Variants in SH3KBP1 observed in about 807,000 individuals in gnomAD.
SH3KBP1 encodes SH3 domain-containing kinase-binding protein 1.
A neutral mutation model predicts 50.1 loss-of-function variants in SH3KBP1; 8 were observed. That is an observed-to-expected ratio of 0.16 (90% CI 0.09 to 0.29). SH3KBP1 has a LOEUF of 0.29. Ranked by LOEUF, SH3KBP1 falls within the 10% of genes least tolerant of loss-of-function variation. SH3KBP1 has a pLI of 1.00. For missense variants in SH3KBP1, 377 were observed against 535.2 expected (o/e 0.70, Z 2.92); for synonymous variants, 227 against 218.6 (o/e 1.04, Z -0.34).
chrX:19,872,340 C>T (rs920005518), intron 1 of SH3KBP1, among the ~76,000 whole-genome samples: 1 of 109,491 alleles, frequency 9.1e-6, no homozygotes, highest in African/African-American at 3.3e-5. Flanking sequence ...GAACCAAACC[C>T]CCAAGGATTT....
chrX:19,839,753 G>A lies in SH3KBP1; in HGVS notation c.5-3471C>T, dbSNP rs1390921704. On this transcript the variant is annotated intron_variant, in intron 1 of 17. Transcript: ENST00000397821. ...AGGCCTCTCTGGCCCCTGCCACTGA[G>A]GCAATCCCAAGCTGTGTCTTGTCTT... Among the ~76,000 whole-genome samples the A allele has an allele frequency of 2.7e-5, 3 of 112,290 alleles. No individual in the cohort carries two copies. The East Asian group carries it at 8.4e-4, about 31-fold the overall frequency.
At chrX:19,793,038 T>A (rs780989138) in intron 2 of SH3KBP1, among the ~76,000 whole-genome samples, 1 of 110,487 alleles carries the variant, frequency 9.1e-6, no homozygotes, top group East Asian at 2.8e-4. Flanking sequence ...GGCTCACACC[T>A]GTAATCTCAG....
chrX:19,811,926 C>T (rs2067217523), intron 2 of SH3KBP1, among the ~76,000 whole-genome samples: 1 of 111,733 alleles, frequency 8.9e-6, no homozygotes, highest in Admixed American at 9.4e-5. Context: ...AGGACATAGT[C>T]ACCAGGGCCT....
chrX:19,685,005 C>T (rs2063134482), intron 5 of SH3KBP1, among the ~76,000 whole-genome samples: 1 of 112,235 alleles, frequency 8.9e-6, no homozygotes, highest in Non-Finnish European at 1.9e-5. Context: ...ATTATGCCAT[C>T]AAAGGGCAGG....
At chrX:19,642,416 G>A (rs1254870675) in intron 7 of SH3KBP1, among the ~76,000 whole-genome samples, 1 of 111,898 alleles carries the variant, frequency 8.9e-6, no homozygotes, top group African/African-American at 3.3e-5. Flanking sequence ...CGGTATGAGT[G>A]TCCAGTTAGG....
chrX:19,872,058 C>T (rs192072836), intron 1 of SH3KBP1, among the ~76,000 whole-genome samples: 1,248 of 108,467 alleles, frequency 0.012, 15 homozygotes, highest in Middle Eastern at 0.052. Flanking sequence ...TCGAGACCAT[C>T]CTGGCCAATA....
At chrX:19,811,419 T>C (rs1328722019) in intron 2 of SH3KBP1, among the ~76,000 whole-genome samples, 1 of 111,609 alleles carries the variant, frequency 9.0e-6, no homozygotes, top group Non-Finnish European at 1.9e-5. Context: ...ATTTTGGATG[T>C]TGTCTCTTAG....
chrX:19,657,012 A>G (rs1271733179), intron 6 of SH3KBP1, among the ~76,000 whole-genome samples: 1 of 111,713 alleles, frequency 9.0e-6, no homozygotes, highest in East Asian at 2.8e-4. Context: ...CAGAGTAGAG[A>G]AGGGAAACAA....
chrX:19,671,573 C>T (rs972645827), intron 6 of SH3KBP1, among the ~76,000 whole-genome samples: 4 of 111,868 alleles, frequency 3.6e-5, no homozygotes, highest in African/African-American at 1.3e-4. Flanking sequence ...TTTTAATCAC[C>T]ACTTCAATGA....
chrX:19,679,679 C>T (rs2063002171), intron 6 of SH3KBP1, among the ~76,000 whole-genome samples: 1 of 111,213 alleles, frequency 9.0e-6, no homozygotes, highest in African/African-American at 3.3e-5. Context: ...GTGTGATGAA[C>T]CCCCATGTAT....
At chrX:19,709,632 G>A (rs2063731490) in intron 3 of SH3KBP1, among the ~76,000 whole-genome samples, 2 of 111,693 alleles carry the variant, frequency 1.8e-5, no homozygotes, top group South Asian at 3.7e-4. Flanking sequence ...ACTGTACCAC[G>A]TCACTTAGGT....
intron 6 of SH3KBP1, among the ~76,000 whole-genome samples, chrX:19,657,918 G>A (rs202199068): frequency 9.3e-6 from 1 of 107,328 alleles, no homozygotes. Context: ...GGGGCTGGGG[G>A]TGGGGGCGGG....
At chrX:19,833,110 T>C in intron 2 of SH3KBP1, among the ~76,000 whole-genome samples, 1 of 111,379 alleles carries the variant, frequency 9.0e-6, no homozygotes, top group Admixed American at 9.5e-5. Flanking sequence ...TGCAGTCCCT[T>C]CTCCTTCCCA....
At chrX:19,589,604 C>A (rs2066677732) in intron 11 of SH3KBP1, among the ~76,000 whole-genome samples, 1 of 110,751 alleles carries the variant, frequency 9.0e-6, no homozygotes, top group Non-Finnish European at 1.9e-5. Context: ...TCAGTGACAA[C>A]CTCATATTTT....
chrX:19,604,969 G>C (rs773885316), intron 9 of SH3KBP1, among the ~76,000 whole-genome samples: 1 of 111,707 alleles, frequency 9.0e-6, no homozygotes, highest in South Asian at 3.8e-4. Flanking sequence ...AAGAGATGGC[G>C]GCTGCTTGTG....
In SH3KBP1 at chrX:19,834,643, G is replaced by A. The variant is rs1254869038; in HGVS notation, c.162+1482C>T. Among the ~76,000 whole-genome samples, 3 of 111,876 alleles carry A rather than the reference G, an allele frequency of 2.7e-5. No homozygotes were observed. The South Asian group carries it at 1.1e-3, about 42-fold the overall frequency. On this transcript the variant is annotated intron_variant, in intron 2 of 17. Coordinates refer to ENST00000397821, the MANE Select transcript of SH3KBP1 (RefSeq NM_031892.3). ...TAACCTGTAGATGACTTCTCCAAAA[G>A]GCATAATTTTCAAAACATTACTGAA...
At chrX:19,590,297 T>A (rs1262806809) in intron 11 of SH3KBP1, among the ~76,000 whole-genome samples, 1 of 110,971 alleles carries the variant, frequency 9.0e-6, no homozygotes, top group Non-Finnish European at 1.9e-5. Flanking sequence ...GGACAGGAAC[T>A]CCAGCAGCCT....
At chrX:19,740,073 C>T (rs779233727) in intron 3 of SH3KBP1, among the ~76,000 whole-genome samples, 14 of 111,308 alleles carry the variant, frequency 1.3e-4, no homozygotes, top group African/African-American at 2.6e-4. Context: ...CACACATAAT[C>T]GCAACATGAT....
intron 5 of SH3KBP1, among the ~76,000 whole-genome samples, chrX:19,691,909 G>T (rs2063300774): frequency 9.0e-6 from 1 of 111,630 alleles, no homozygotes; most frequent in Non-Finnish European, 1.9e-5. Flanking sequence ...GACAAAGCGT[G>T]CAGAGGGCTA....
Sources: allele counts gnomAD v4.1 joint callset (sites outside exome capture counted in the v4.1 genomes callset), GRCh38; gene constraint gnomAD v4.1.1; transcripts MANE v1.5; gene names NCBI Gene and HGNC (gene_info 2026-07-23, HGNC 2026-07-21).